Variants in VGLL4 observed in about 807,000 individuals in gnomAD.
VGLL4 encodes the protein vestigial like family member 4.
VGLL4 carries 7 observed loss-of-function variants against 21.0 expected under a neutral mutation model. The ratio of observed to expected loss-of-function variants is 0.33; its 90% CI spans 0.19 to 0.63. The LOEUF (loss-of-function observed/expected upper bound fraction) is 0.63. VGLL4 is among the 20% of genes least tolerant of loss of function. The pLI, the probability that VGLL4 is intolerant of heterozygous loss-of-function variation, is 0.78. For missense variants in VGLL4, 394 were observed against 425.7 expected (o/e 0.93, Z 0.66); for synonymous variants, 222 against 173.2 (o/e 1.28, Z -2.21).
At chr3:11,611,653 A>C (rs2075065445) in intron 1 of VGLL4, 3 of 152,194 alleles carry the variant, frequency 2.0e-5, no homozygotes. Context: ...AGATGAAAGC[A>C]ACTGAACGTA....
At chr3:11,617,484 C>G (rs1008779140) in intron 1 of VGLL4, among the ~76,000 whole-genome samples, 1 of 152,192 alleles carries the variant, frequency 6.6e-6, no homozygotes, top group Admixed American at 6.5e-5. Context: ...TGGGTGCACA[C>G]ACCTGAGTCA....
intron 1 of VGLL4, chr3:11,604,300 G>T (rs2074882025): frequency 5.1e-6 from 4 of 779,912 alleles, no homozygotes; most frequent in Non-Finnish European, 5.9e-6. Context: ...ACGAAGCTGT[G>T]CCCCAAAACA....
intron 1 of VGLL4, among the ~76,000 whole-genome samples, chr3:11,709,586 T>C (rs751354635): frequency 4.6e-5 from 7 of 152,080 alleles, no homozygotes; most frequent in Non-Finnish European, 1.0e-4. Flanking sequence ...TTTGTTGTTG[T>C]GGATTTTTTT....
At chr3:11,585,826 C>A (rs760530447) in intron 2 of VGLL4, among the ~76,000 whole-genome samples, 3 of 152,180 alleles carry the variant, frequency 2.0e-5, no homozygotes, top group Admixed American at 6.5e-5. Flanking sequence ...TCTGAATGCA[C>A]ACTTCCCACC....
At chr3:11,607,722 C>A (rs2125278808) in intron 1 of VGLL4, among the ~76,000 whole-genome samples, 1 of 152,244 alleles carries the variant, frequency 6.6e-6, no homozygotes, top group South Asian at 2.1e-4. Context: ...CAATTAAGAA[C>A]AGGCATTTGT....
intron 1 of VGLL4, among the ~76,000 whole-genome samples, chr3:11,636,610 A>C (rs917819784): frequency 6.6e-6 from 1 of 152,172 alleles, no homozygotes; most frequent in African/African-American, 2.4e-5. Flanking sequence ...AACACATCTC[A>C]GCCTTTAAGC....
At chr3:11,594,502 CCACTCT>C (rs2074585395) in intron 2 of VGLL4, among the ~76,000 whole-genome samples, 1 of 152,142 alleles carries the variant, frequency 6.6e-6, no homozygotes, top group Non-Finnish European at 1.5e-5. Flanking sequence ...GTGACACATC[CCACTCT>C]AAGTCTACAC....
At chr3:11,604,111 A>G (rs6810015) in intron 1 of VGLL4, among the ~76,000 whole-genome samples, 142,606 of 152,194 alleles carry the variant, frequency 0.94, 66,942 homozygotes, top group African/African-American at 0.95. Context: ...GGGTGGGACC[A>G]GGGCTGGGGC....
At chr3:11,634,421 G>T (rs1311136306) in intron 1 of VGLL4, among the ~76,000 whole-genome samples, 1 of 152,132 alleles carries the variant, frequency 6.6e-6, no homozygotes, top group Non-Finnish European at 1.5e-5. Context: ...TGTGGCCACC[G>T]TCAGAATTTG....
intron 1 of VGLL4, among the ~76,000 whole-genome samples, chr3:11,628,126 T>C (rs1232549075): frequency 6.6e-6 from 1 of 152,170 alleles, no homozygotes; most frequent in Non-Finnish European, 1.5e-5. Flanking sequence ...TGGTGGCTCA[T>C]GCCTATAATC....
chr3:11,610,054 A>G lies in VGLL4; in HGVS notation c.83-8032T>C, dbSNP rs113698153. On this transcript the variant is annotated intron_variant, in intron 1 of 4. Coordinates refer to ENST00000430365, the MANE Select transcript of VGLL4 (RefSeq NM_001128219.3). ...ACCTAAATCAAAGAAGCAAAACCAT[A>G]GCTCGGTCGGCCAAGCCAGCCGCGC... Among the ~76,000 whole-genome samples the G allele has an allele frequency of 1.9e-3, 296 of 152,242 alleles. 3 individuals carry two copies. Among genetic ancestry groups the G allele is most frequent in the African/African-American group, 6.8e-3 (284 of 41,550 alleles).
intron 1 of VGLL4, among the ~76,000 whole-genome samples, chr3:11,705,875 C>G (rs1179138721): frequency 6.7e-6 from 1 of 150,196 alleles, no homozygotes; most frequent in Non-Finnish European, 1.5e-5. Flanking sequence ...GAGCTGAGAT[C>G]GCGCCACTGC....
chr3:11,604,090 C>G (rs974017127), intron 1 of VGLL4, among the ~76,000 whole-genome samples: 9 of 152,302 alleles, frequency 5.9e-5, no homozygotes, highest in African/African-American at 1.9e-4. Context: ...AGATTTCTAA[C>G]CCACGGGTGG....
intron 1 of VGLL4, among the ~76,000 whole-genome samples, chr3:11,709,162 G>T (rs537851804): frequency 3.3e-5 from 5 of 152,212 alleles, no homozygotes; most frequent in Admixed American, 2.6e-4. Context: ...AGAGGGCCAG[G>T]TGCAGTGGCT....
chr3:11,672,250 G>A (rs2076227854), intron 2 of VGLL4, among the ~76,000 whole-genome samples: 1 of 152,198 alleles, frequency 6.6e-6, no homozygotes, highest in South Asian at 2.1e-4. Context: ...TTTAAGTACG[G>A]AAGGTCAATT....
chr3:11,640,939 G>A (rs767356920), intron 1 of VGLL4, among the ~76,000 whole-genome samples: 2 of 152,010 alleles, frequency 1.3e-5, no homozygotes, highest in African/African-American at 2.4e-5. Context: ...CCAACATGGT[G>A]AAACCCATCT....
chr3:11,563,039 C>T (rs1284588468), intron 3 of VGLL4, among the ~76,000 whole-genome samples: 1 of 152,218 alleles, frequency 6.6e-6, no homozygotes, highest in Non-Finnish European at 1.5e-5. Flanking sequence ...TTTTGCAAAG[C>T]AACTGTGACC....
At chr3:11,563,475 CTCTCT>C (rs1055413279) in intron 3 of VGLL4, among the ~76,000 whole-genome samples, 4 of 152,186 alleles carry the variant, frequency 2.6e-5, no homozygotes, top group African/African-American at 9.7e-5. Context: ...CAGCACAATC[CTCTCT>C]TCTCATGTCC....
At chr3:11,693,043 A>G in intron 2 of VGLL4, 1 of 184,710 alleles carries the variant, frequency 5.4e-6, no homozygotes. Flanking sequence ...GGTGGTGTGT[A>G]CCTGTGGTCC....
Sources: gnomAD v4.1 joint callset for allele counts (sites outside exome capture counted in the v4.1 genomes callset) on GRCh38, gnomAD v4.1.1 for gene constraint, MANE v1.5 for transcripts, NCBI Gene and HGNC (gene_info 2026-07-23, HGNC 2026-07-21) for gene names.